The following PDE1B variants were observed in gnomAD, a reference collection of about 807,000 sequenced individuals.
PDE1B encodes phosphodiesterase 1B, also known as dual specificity calcium/calmodulin-dependent 3',5'-cyclic nucleotide phosphodiesterase 1B.
In PDE1B, 13 loss-of-function variants were observed where a neutral mutation model predicts 66.7. The ratio of observed to expected loss-of-function variants is 0.19; its 90% CI spans 0.13 to 0.31. The LOEUF is 0.31. Ranked by LOEUF, PDE1B falls within the 10% of genes least tolerant of loss-of-function variation. The pLI is 1.00. For synonymous variants in PDE1B, 230 were observed against 253.9 expected (o/e 0.91, Z 0.90); for missense variants, 485 against 682.3 (o/e 0.71, Z 3.22).
At chr12:54,577,032 G>A (rs939319094) in intron 14 of PDE1B, 193 bp from the exon 15 acceptor site, 6 of 620,064 alleles carry the variant, frequency 9.7e-6, no homozygotes, top group Middle Eastern at 4.3e-4. Flanking sequence ...TGAGGGGGTG[G>A]TAGGGTGGTG....
chr12:54,573,894 TG>T lies in PDE1B; in HGVS notation c.1064+186del. On this transcript the variant is annotated intron_variant, in intron 10 of 15. Coordinates refer to ENST00000243052, the MANE Select transcript of PDE1B (RefSeq NM_000924.4). The surrounding 1 kb of genome is among the most constrained non-coding windows in gnomAD (Gnocchi z 5.2). ...GAGTGTGTGTGTGTGTGTGTGTGTGTGTGTGTGTGTGTGTGTGTCCTTACGT... is the reference window on the plus strand; with the variant it reads ...GAGTGTGTGTGTGTGTGTGTGTGTGTTGTGTGTGTGTGTGTGTCCTTACGT... The T allele has an allele frequency of 1.7e-6, 1 of 594,804 alleles. No individual in the cohort carries two copies. The allele number at this position is 594,804 out of a possible 1,614,324, so 36.8% of individuals were successfully genotyped here.
At chr12:54,565,851 A>T (rs972279857) in intron 2 of PDE1B, among the ~76,000 whole-genome samples, 2 of 152,228 alleles carry the variant, frequency 1.3e-5, no homozygotes, top group South Asian at 4.2e-4. Context: ...CTCCCCCGGC[A>T]TCCCTGGGAA....
rs1418750164 is a variant in PDE1B at position 54,575,621 on chromosome 12, A to C, written c.1256A>C (p.Gln419Pro). ...LCDRTSTLVA[Q>P]SQIGFIDFIV... is the part of the protein sequence containing the mutation. ...GACCGCACTTCCACTCTAGTGGCAC[A>C]GTCTCAGATAGGTGAGTGTCCTCTC... Residue 419 changes from glutamine to proline, a missense_variant, in exon 12 of 16, where the codon CAG (glutamine) becomes CCG (proline). Physicochemically the swap from Gln to Pro is moderately conservative, Grantham distance 76. This residue lies in a region of PDE1B where 282 missense variants were observed against 453.4 expected (regional missense o/e 0.62). Transcript: ENST00000243052. The surrounding 1 kb of genome is among the most constrained non-coding windows in gnomAD (Gnocchi z 4.0). The C allele has an allele frequency of 2.5e-6, 4 of 1,608,504 alleles. No homozygotes were observed. The South Asian group carries it at 3.3e-5, about 13-fold the overall frequency.
intron 2 of PDE1B, among the ~76,000 whole-genome samples, chr12:54,553,779 G>GTA (rs1300754618): frequency 2.0e-5 from 3 of 152,026 alleles, no homozygotes; most frequent in African/African-American, 4.8e-5. Flanking sequence ...TGGGGTTTAG[G>GTA]GACCTCAGGA....
intron 2 of PDE1B, among the ~76,000 whole-genome samples, chr12:54,557,083 C>T (rs563934031): frequency 6.6e-6 from 1 of 152,296 alleles, no homozygotes; most frequent in African/African-American, 2.4e-5. Context: ...GTGGCCTGGA[C>T]TGAGTGAACA....
In PDE1B at chr12:54,569,739, G is replaced by C. The variant is rs932856045; in HGVS notation, c.477+127G>C. On this transcript the variant is annotated intron_variant, in intron 5 of 15. Coordinates refer to ENST00000243052, the MANE Select transcript of PDE1B (RefSeq NM_000924.4). The surrounding 1 kb of genome is among the most constrained non-coding windows in gnomAD (Gnocchi z 4.4). ...TTTTTTGAAATGGAGTCTCGCTCTTGTCACTCAGGCTGGAGTGCAGTGGCG... is the reference window on the plus strand; with the variant it reads ...TTTTTTGAAATGGAGTCTCGCTCTTCTCACTCAGGCTGGAGTGCAGTGGCG... 27 of 658,476 alleles carry C rather than the reference G, an allele frequency of 4.1e-5. No homozygotes were observed. The highest frequency in any genetic ancestry group is 7.0e-5 in the Non-Finnish European group (26 of 372,694). 40.8% of individuals were successfully genotyped at this position (658,476 alleles called of 1,614,324 possible).
chr12:54,561,765 T>TGC, intron 2 of PDE1B: 1 of 417,658 alleles, frequency 2.4e-6, no homozygotes, highest in Non-Finnish European at 4.4e-6. Flanking sequence ...TTTGTGCGTG[T>TGC]GTGTGTGTGT....
intron 2 of PDE1B, chr12:54,550,283 C>T: frequency 8.2e-7 from 1 of 1,213,052 alleles, no homozygotes; most frequent in South Asian, 2.4e-5. Flanking sequence ...TGCAGTGTGG[C>T]AGGGCTGCAG....
intron 2 of PDE1B, among the ~76,000 whole-genome samples, chr12:54,560,619 C>G (rs1203554315): frequency 6.6e-6 from 1 of 152,166 alleles, no homozygotes; most frequent in African/African-American, 2.4e-5. Context: ...GTGCGCACGT[C>G]CACTTGGAGC....
chr12:54,553,176 C>A (rs567480082), intron 2 of PDE1B, among the ~76,000 whole-genome samples: 293 of 6,120 alleles, frequency 0.048, no homozygotes, highest in African/African-American at 0.084. Flanking sequence ...CTACACCCAC[C>A]CAAGTGATGA....
chr12:54,576,337 T>A (rs1472898275), intron 13 of PDE1B: 3 of 612,444 alleles, frequency 4.9e-6, no homozygotes, highest in Non-Finnish European at 8.6e-6. Flanking sequence ...TCTTTCTGCC[T>A]TCTGGCTAAT....
In PDE1B at chr12:54,563,472, G is replaced by A. The variant is rs570591334; in HGVS notation, c.114-3502G>A. ...TTAAATGAAGTTTGTAATTGTAAAG[G>A]AAAGATCATGGCTATTATCTTTCTC... is the stretch of plus-strand genomic sequence containing the variant. On this transcript the variant is annotated intron_variant, in intron 2 of 15. Coordinates refer to ENST00000243052, the MANE Select transcript of PDE1B (RefSeq NM_000924.4). Among the ~76,000 whole-genome samples, 9 of 152,314 alleles carry A rather than the reference G, an allele frequency of 5.9e-5. No homozygotes were observed. The South Asian group carries it at 1.4e-3, about 25-fold the overall frequency.
chr12:54,563,680 A>C (rs142904927), intron 2 of PDE1B, among the ~76,000 whole-genome samples: 1 of 152,206 alleles, frequency 6.6e-6, no homozygotes, highest in African/African-American at 2.4e-5. Context: ...ATTTTTGGAG[A>C]CCTTTTGTAT....
intron 2 of PDE1B, among the ~76,000 whole-genome samples, chr12:54,558,765 G>A (rs1483235566): frequency 1.1e-4 from 16 of 152,242 alleles, no homozygotes; most frequent in Non-Finnish European, 1.5e-5. Flanking sequence ...TGGATGGAAA[G>A]TCAGGGGTCC....
chr12:54,558,281 G>A (rs1957365830), intron 2 of PDE1B, among the ~76,000 whole-genome samples: 1 of 151,198 alleles, frequency 6.6e-6, no homozygotes, highest in Admixed American at 6.6e-5. Context: ...CACCCTCCTG[G>A]TTTCTGTCCT....
intron 10 of PDE1B, 124 bp from the exon 11 acceptor site, chr12:54,574,974 C>CA (rs35584396): frequency 0.18 from 79,039 of 432,086 alleles, 3,958 homozygotes; most frequent in African/African-American, 0.27. Context: ...GACCCTGTCT[C>CA]AAAAAAAAAA....
At chr12:54,577,057 T>G in intron 14 of PDE1B, 168 bp from the exon 15 acceptor site, 1 of 666,280 alleles carries the variant, frequency 1.5e-6, no homozygotes, top group African/African-American at 1.8e-5. Context: ...GGGTTCTGAG[T>G]TTTAGCAAGG....
rs758466115 is a variant in PDE1B at position 54,577,260 on chromosome 12, C to G, written c.1543C>G (p.Pro515Ala). ...CCAGATGTCCATTGACGAGCTGTCC[C>G]CCTGTGAAGAAGAGGCCCCCCCATC... Reference protein sequence around the residue: ...TNQMSIDELSPCEEEAPPSPA... With the variant: ...TNQMSIDELSACEEEAPPSPA... Residue 515 changes from proline to alanine, a missense_variant, in exon 15 of 16, where the codon CCC (proline) becomes GCC (alanine). Physicochemically the swap from Pro to Ala is conservative, Grantham distance 27. Transcript: ENST00000243052. 18 of 1,612,462 alleles carry G rather than the reference C, an allele frequency of 1.1e-5. No individual in the cohort carries two copies. Among genetic ancestry groups the G allele is most frequent in the Non-Finnish European group, 1.5e-5 (18 of 1,178,864 alleles).
chr12:54,566,543 T>C (rs1341902939), intron 2 of PDE1B, among the ~76,000 whole-genome samples: 3 of 152,216 alleles, frequency 2.0e-5, no homozygotes, highest in Admixed American at 6.5e-5. Flanking sequence ...TTGATTGCTA[T>C]TGATCCCAAA....
Sources: gnomAD v4.1 joint callset for allele counts (sites outside exome capture counted in the v4.1 genomes callset) on GRCh38, gnomAD v4.1.1 for gene constraint, gnomAD v4.1.1 regional missense constraint, Gnocchi (gnomAD v3.1) non-coding constraint, MANE v1.5 for transcripts, NCBI Gene and HGNC (gene_info 2026-07-23, HGNC 2026-07-21) for gene names.